IFT80: variants seen among roughly 807,000 people sequenced by gnomAD.
IFT80 encodes the protein intraflagellar transport 80, also known as intraflagellar transport protein 80 homolog.
In IFT80, 79 loss-of-function variants were observed where a neutral mutation model predicts 107.9. The observed-to-expected ratio is 0.73, with a 90% CI of 0.61 to 0.88. IFT80 has a LOEUF of 0.88. Ranked by LOEUF, IFT80 falls within the 40% of genes least tolerant of loss-of-function variation. The pLI, the probability that IFT80 is intolerant of heterozygous loss-of-function variation, is 0.00. For synonymous variants in IFT80, 299 were observed against 300.9 expected (o/e 0.99, Z 0.07); for missense variants, 797 against 914.2 (o/e 0.87, Z 1.65).
intron 14 of IFT80, among the ~76,000 whole-genome samples, chr3:160,281,020 T>A (rs1714648383): frequency 6.6e-6 from 1 of 152,230 alleles, no homozygotes; most frequent in African/African-American, 2.4e-5. Context: ...AGAACCCTTA[T>A]ATTTTTAATC....
intron 9 of IFT80, among the ~76,000 whole-genome samples, chr3:160,315,082 A>AGGGG (rs1717705632): frequency 2.1e-5 from 1 of 46,664 alleles, no homozygotes; most frequent in Admixed American, 3.0e-4. Context: ...GGAGGGAGGG[A>AGGGG]GGGAGGGAAA....
rs557515781 is a variant in IFT80 at position 160,302,305 on chromosome 3, A to G, written c.1152-1259T>C. ...CAACCACATACACTTCAATTAAATT[A>G]ATACTTGAGGGTTGGTAGGTAGTTT... On this transcript the variant is annotated intron_variant, in intron 11 of 19. Transcript: ENST00000326448. Among the ~76,000 whole-genome samples the G allele has an allele frequency of 1.2e-4, 18 of 152,198 alleles. No individual in the cohort carries two copies. The South Asian group carries it at 3.5e-3, about 30-fold the overall frequency.
chr3:160,354,893 T>A (rs1720961722), intron 8 of IFT80, among the ~76,000 whole-genome samples: 1 of 152,184 alleles, frequency 6.6e-6, no homozygotes, highest in East Asian at 1.9e-4. Context: ...GGCAGAGGAC[T>A]TCATATTTTA....
rs1462043107 is a variant in IFT80 at position 160,279,207 on chromosome 3, A to C, written c.1822T>G (p.Cys608Gly). The change falls in exon 16 of 20, where the codon TGT becomes GGT. Residue 608 changes from cysteine to glycine, a missense_variant. Transcript: ENST00000326448. ...SSKWEDAVRL[C>G]RFVKEQTMWA... ...ATGTAAATTACCTTAACAAAGCGAC[A>C]AAGTCTCACAGCATCTTCCCATTTT... 6.2e-7 allele frequency: 1 copy of C among 1,613,460 alleles called. No individual in the cohort carries two copies. The highest frequency in any genetic ancestry group is 2.2e-5 in the East Asian group (1 of 44,858).
At chr3:160,384,149 G>T in intron 2 of IFT80, 1 of 189,388 alleles carries the variant, frequency 5.3e-6, no homozygotes, top group Non-Finnish European at 9.7e-6. Context: ...GGAGGCTGAG[G>T]CAGGAGAATC....
intron 1 of IFT80, among the ~76,000 whole-genome samples, chr3:160,394,729 G>A (rs970621919): frequency 3.3e-5 from 5 of 150,940 alleles, no homozygotes; most frequent in South Asian, 2.1e-4. Flanking sequence ...CAGCCTGGGC[G>A]ACAGAGTGAT....
At chr3:160,305,819 C>G (rs965859268) in intron 10 of IFT80, among the ~76,000 whole-genome samples, 1 of 151,980 alleles carries the variant, frequency 6.6e-6, no homozygotes. Context: ...TTATTAAGAA[C>G]TTGTATTCAA....
intron 2 of IFT80, chr3:160,384,287 G>T: frequency 1.9e-4 from 85 of 449,192 alleles, no homozygotes; most frequent in Non-Finnish European, 2.5e-4. Context: ...TCCTACTAAA[G>T]TAAACAAAAA....
At chr3:160,355,538 A>T (rs1576859109) in intron 8 of IFT80, among the ~76,000 whole-genome samples, 1 of 152,212 alleles carries the variant, frequency 6.6e-6, no homozygotes, top group South Asian at 2.1e-4. Context: ...GGCATGAAAC[A>T]CCACATCCAG....
intron 8 of IFT80, among the ~76,000 whole-genome samples, chr3:160,324,801 A>G (rs1384165694): frequency 6.6e-6 from 1 of 152,116 alleles, no homozygotes; most frequent in African/African-American, 2.4e-5. Context: ...AGGAGAAGGA[A>G]ATAAAGGGTA....
At chr3:160,279,053 C>A in intron 16 of IFT80, 140 bp downstream of exon 16, 1 of 661,534 alleles carries the variant, frequency 1.5e-6, no homozygotes, top group Non-Finnish European at 2.6e-6. Context: ...CTCTGTATTG[C>A]CCATGTCTTT....
chr3:160,262,588 G>A (rs1356584737), intron 19 of IFT80, among the ~76,000 whole-genome samples: 2 of 152,156 alleles, frequency 1.3e-5, no homozygotes, highest in Non-Finnish European at 2.9e-5. Context: ...GTCTCCCAAA[G>A]TGCTGAGATT....
chr3:160,328,461 C>CAAAAAA (rs1236379581), intron 8 of IFT80, among the ~76,000 whole-genome samples: 1 of 47,874 alleles, frequency 2.1e-5, no homozygotes, highest in Admixed American at 2.5e-4. Flanking sequence ...GACTCCATCT[C>CAAAAAA]AAAAAAAAAA....
At chr3:160,321,681 TAA>T (rs1455463028) in intron 8 of IFT80, among the ~76,000 whole-genome samples, 1 of 151,956 alleles carries the variant, frequency 6.6e-6, no homozygotes, top group Non-Finnish European at 1.5e-5. Context: ...TATACCATAG[TAA>T]AAGTTATGTG....
intron 12 of IFT80, among the ~76,000 whole-genome samples, chr3:160,295,625 A>G (rs1178341155): frequency 6.6e-6 from 1 of 152,070 alleles, no homozygotes; most frequent in Non-Finnish European, 1.5e-5. Context: ...AAATAGAACT[A>G]CCCAGCAATC....
intron 12 of IFT80, among the ~76,000 whole-genome samples, chr3:160,286,473 C>T (rs1024689656): frequency 6.6e-6 from 1 of 152,230 alleles, no homozygotes; most frequent in East Asian, 1.9e-4. Context: ...CATACAGTGG[C>T]CTGGAACAGT....
At position 160,279,303 on chromosome 3, in the gene IFT80, C is replaced by G; in HGVS notation, c.1726G>C (p.Ala576Pro). Reference protein sequence around the residue: ...FVGNQVTIRRADGSLVHISIT... With the variant: ...FVGNQVTIRRPDGSLVHISIT... Reference sequence around the variant, plus strand: ...CTGATGTGAACCAGGGAGCCATCAGCTCTTCTAATAGTTACTTGATTTCCA... The same window carrying G: ...CTGATGTGAACCAGGGAGCCATCAGGTCTTCTAATAGTTACTTGATTTCCA... The change falls in exon 16 of 20, where the codon GCT becomes CCT. Residue 576 changes from alanine to proline, a missense_variant. Coordinates refer to ENST00000326448, the MANE Select transcript of IFT80 (RefSeq NM_020800.3). 6.2e-7 allele frequency: 1 copy of G among 1,612,944 alleles called. No individual in the cohort carries two copies. Among genetic ancestry groups the G allele is most frequent in the Non-Finnish European group, 8.5e-7 (1 of 1,179,062 alleles).
Position 160,263,494 on chromosome 3 carries a change from C to T in IFT80, c.2224-4859G>A, listed in dbSNP as rs139397398. Among the ~76,000 whole-genome samples, 184 of 152,220 alleles carry T rather than the reference C, an allele frequency of 1.2e-3. 1 individual carries two copies. Among genetic ancestry groups the T allele is most frequent in the African/African-American group, 4.2e-3 (173 of 41,540 alleles). On this transcript the variant is annotated intron_variant, in intron 19 of 19. Coordinates refer to ENST00000326448, the MANE Select transcript of IFT80 (RefSeq NM_020800.3). Reference sequence around the variant, plus strand: ...CAATGACTTTTCCCAACCAGTATTCCAACCACCCAGGGTCCAGAGCAGTCA... The same window carrying T: ...CAATGACTTTTCCCAACCAGTATTCTAACCACCCAGGGTCCAGAGCAGTCA...
intron 1 of IFT80, among the ~76,000 whole-genome samples, chr3:160,388,700 GAAAGT>G (rs913102473): frequency 4.6e-5 from 7 of 151,614 alleles, no homozygotes; most frequent in African/African-American, 1.5e-4. Context: ...GTTTCATATG[GAAAGT>G]AAATTTCATA....
Sources: gnomAD v4.1 joint callset for allele counts (sites outside exome capture counted in the v4.1 genomes callset) on GRCh38, gnomAD v4.1.1 for gene constraint, MANE v1.5 for transcripts, NCBI Gene and HGNC (gene_info 2026-07-23, HGNC 2026-07-21) for gene names.